CPED1: variants seen among roughly 807,000 people sequenced by gnomAD.
CPED1 encodes cadherin-like and PC-esterase domain-containing protein 1.
A neutral mutation model predicts 128.2 loss-of-function variants in CPED1; 114 were observed. The observed-to-expected ratio is 0.89, with a 90% CI of 0.76 to 1.04. CPED1 has a LOEUF of 1.04. Among genes scored for constraint, CPED1 ranks in the 50% least tolerant of loss-of-function variants. CPED1 has a pLI of 0.00. For synonymous variants in CPED1, 462 were observed against 426.7 expected (o/e 1.08, Z -1.02); for missense variants, 1,211 against 1,207.1 (o/e 1.00, Z -0.05).
chr7:120,989,569 T>C lies in CPED1; in HGVS notation c.-53T>C. The C allele has an allele frequency of 6.3e-7, 1 of 1,590,754 alleles. No individual in the cohort carries two copies. Among genetic ancestry groups the C allele is most frequent in the South Asian group, 1.1e-5 (1 of 89,718 alleles). ...ATTTTTCATGCTGACAAAAAATAGC[T>C]GCTATGACTTTTCCCGCAACGTGGA... On this transcript the variant is annotated 5_prime_UTR_variant, in exon 2 of 23. Coordinates refer to ENST00000310396, the MANE Select transcript of CPED1 (RefSeq NM_024913.5).
intron 16 of CPED1, among the ~76,000 whole-genome samples, chr7:121,142,722 C>T (rs944569583): frequency 6.6e-6 from 1 of 151,988 alleles, no homozygotes; most frequent in Non-Finnish European, 1.5e-5. Flanking sequence ...TACCCTAACA[C>T]TTTTGTTCTA....
At chr7:121,264,624 T>C (rs1792087220) in intron 18 of CPED1, among the ~76,000 whole-genome samples, 1 of 152,026 alleles carries the variant, frequency 6.6e-6, no homozygotes, top group Non-Finnish European at 1.5e-5. Flanking sequence ...GTTTAAACCT[T>C]TGCAGATTCT....
intron 21 of CPED1, among the ~76,000 whole-genome samples, chr7:121,268,127 G>A (rs1792166202): frequency 6.6e-6 from 1 of 152,054 alleles, no homozygotes; most frequent in Non-Finnish European, 1.5e-5. Flanking sequence ...ATATCTGGGA[G>A]AGCCAAAGGG....
At chr7:121,159,040 T>C (rs2116427441) in intron 16 of CPED1, among the ~76,000 whole-genome samples, 1 of 152,308 alleles carries the variant, frequency 6.6e-6, no homozygotes, top group South Asian at 2.1e-4. Context: ...GAAATATATT[T>C]CGTTACTGAA....
At chr7:121,084,115 C>T (rs1794362412) in intron 5 of CPED1, among the ~76,000 whole-genome samples, 2 of 152,062 alleles carry the variant, frequency 1.3e-5, no homozygotes, top group African/African-American at 4.8e-5. Flanking sequence ...TTGCCTCTAC[C>T]TACATTTGCT....
rs114266569 is a variant in CPED1 at position 121,130,933 on chromosome 7, C to T, written c.1577+639C>T. Among the ~76,000 whole-genome samples, 1,453 of 152,082 alleles carry T rather than the reference C, an allele frequency of 9.6e-3. 24 individuals carry two copies. The highest frequency in any genetic ancestry group is 0.033 in the African/African-American group (1,357 of 41,534). ...AACTGAGATGGATAAAATTTTATCT[C>T]CACTAGTTAGGGAAAAGGGGCAACA... On this transcript the variant is annotated intron_variant, in intron 12 of 22. Transcript: ENST00000310396.
chr7:121,266,505 C>A, intron 19 of CPED1, 58 bp downstream of exon 19: 1 of 1,398,046 alleles, frequency 7.2e-7, no homozygotes, highest in Non-Finnish European at 1.0e-6. Flanking sequence ...GTTCTGCTAG[C>A]AGTCGTCACT....
intron 5 of CPED1, among the ~76,000 whole-genome samples, chr7:121,088,238 G>T (rs911096645): frequency 1.3e-5 from 2 of 152,106 alleles, no homozygotes; most frequent in Non-Finnish European, 1.5e-5. Context: ...TAAAGCCTGG[G>T]TTAGCGTATG....
intron 16 of CPED1, among the ~76,000 whole-genome samples, chr7:121,148,603 G>C (rs1360089712): frequency 6.6e-6 from 1 of 152,102 alleles, no homozygotes; most frequent in Non-Finnish European, 1.5e-5. Context: ...TAAAGAAATA[G>C]GAGCAAATAA....
chr7:121,224,311 G>A (rs1278761386), intron 16 of CPED1, among the ~76,000 whole-genome samples: 1 of 152,206 alleles, frequency 6.6e-6, no homozygotes, highest in Non-Finnish European at 1.5e-5. Flanking sequence ...TGATTGCACT[G>A]TGGTCTGAGA....
chr7:121,236,300 A>G (rs970874261), intron 16 of CPED1, among the ~76,000 whole-genome samples: 1 of 152,160 alleles, frequency 6.6e-6, no homozygotes, highest in African/African-American at 2.4e-5. Flanking sequence ...CTGGTGTATC[A>G]TGAATTCTTA....
At chr7:121,229,618 G>A (rs1798093015) in intron 16 of CPED1, among the ~76,000 whole-genome samples, 1 of 151,932 alleles carries the variant, frequency 6.6e-6, no homozygotes, top group Non-Finnish European at 1.5e-5. Flanking sequence ...AAACTTCTCA[G>A]TTGACCATAA....
At chr7:121,098,999 T>C (rs1235156122) in intron 6 of CPED1, among the ~76,000 whole-genome samples, 1 of 151,134 alleles carries the variant, frequency 6.6e-6, no homozygotes, top group Non-Finnish European at 1.5e-5. Context: ...TACTTTTCCT[T>C]AGTAGCCTGA....
chr7:121,198,048 T>A (rs1321820571), intron 16 of CPED1, among the ~76,000 whole-genome samples: 1 of 152,136 alleles, frequency 6.6e-6, no homozygotes, highest in Non-Finnish European at 1.5e-5. Context: ...CAATGTGTGG[T>A]TAGATTGCAA....
rs1800400986 is a variant in CPED1, at chr7:121,000,323, T to C, written c.249+10453T>C. ...TCAACTTTTGCACTTTTTGGAGACT[T>C]GTTCAAAATGTAACATTAAGCATTT... On this transcript the variant is annotated intron_variant, in intron 2 of 22. Coordinates refer to ENST00000310396, the MANE Select transcript of CPED1 (RefSeq NM_024913.5). Among the ~76,000 whole-genome samples, 3 of 152,194 alleles carry C rather than the reference T, an allele frequency of 2.0e-5. 1 individual carries two copies. The highest frequency in any genetic ancestry group is 4.4e-5 in the Non-Finnish European group (3 of 68,020).
chr7:121,118,584 AAG>A (rs1795309688), intron 7 of CPED1, among the ~76,000 whole-genome samples: 2 of 151,658 alleles, frequency 1.3e-5, no homozygotes, highest in African/African-American at 4.8e-5. Context: ...CAGAGAGAGA[AAG>A]AAAAAAAAAA....
At chr7:121,002,662 T>A (rs1791891654) in intron 2 of CPED1, among the ~76,000 whole-genome samples, 2 of 139,130 alleles carry the variant, frequency 1.4e-5, no homozygotes, top group Middle Eastern at 3.5e-3. Context: ...GAGTGTACTA[T>A]GTTTCTTTTA....
chr7:121,266,989 C>T (rs1025157382), intron 20 of CPED1, among the ~76,000 whole-genome samples, 181 bp downstream of exon 20: 2 of 151,878 alleles, frequency 1.3e-5, no homozygotes, highest in Admixed American at 1.3e-4. Context: ...CATGGTTGTT[C>T]ATTATCCAGA....
intron 16 of CPED1, among the ~76,000 whole-genome samples, chr7:121,236,335 C>T (rs1432428532): frequency 2.0e-5 from 3 of 152,110 alleles, no homozygotes; most frequent in Admixed American, 2.0e-4. Flanking sequence ...AAATGAAATT[C>T]ATCTGTTAAA....
Sources: gnomAD v4.1 joint callset for allele counts (sites outside exome capture counted in the v4.1 genomes callset) on GRCh38, gnomAD v4.1.1 for gene constraint, MANE v1.5 for transcripts, NCBI Gene and HGNC (gene_info 2026-07-23, HGNC 2026-07-21) for gene names.